The following CHL1 variants were observed in gnomAD, a reference collection of about 807,000 sequenced individuals.
CHL1 encodes neural cell adhesion molecule L1-like protein.
Under a neutral mutation model 141.9 loss-of-function variants are expected in CHL1, and 96 were observed. That is an observed-to-expected ratio of 0.68 (90% CI 0.57 to 0.80). The LOEUF is 0.80. Ranked by LOEUF, CHL1 falls within the 30% of genes least tolerant of loss-of-function variation. The probability of loss-of-function intolerance (pLI) is 0.00; values close to 1 mark genes in which losing one functional copy is unlikely to be tolerated. For missense variants in CHL1, 1,820 were observed against 1,457.2 expected (o/e 1.25, Z -4.05); for synonymous variants, 613 against 502.2 (o/e 1.22, Z -2.95).
chr3:391,820 G>T, intron 23 of CHL1, 23 bp downstream of exon 23: 3 of 1,553,086 alleles, frequency 1.9e-6, no homozygotes, highest in Non-Finnish European at 2.6e-6. Flanking sequence ...TTGAATTGGA[G>T]TTAACTTGTT....
At chr3:238,491 A>C (rs1692213337) in intron 1 of CHL1, among the ~76,000 whole-genome samples, 1 of 152,180 alleles carries the variant, frequency 6.6e-6, no homozygotes, top group Non-Finnish European at 1.5e-5. Context: ...ATTTTTTGTC[A>C]ACATATGTGT....
At chr3:237,760 A>G (rs1259767894) in intron 1 of CHL1, among the ~76,000 whole-genome samples, 1 of 152,230 alleles carries the variant, frequency 6.6e-6, no homozygotes, top group East Asian at 1.9e-4. Flanking sequence ...AAATTATTAA[A>G]TATGACATCT....
intron 18 of CHL1, 165 bp downstream of exon 18, chr3:382,836 C>T (rs1475760813): frequency 1.1e-5 from 7 of 638,076 alleles, no homozygotes; most frequent in South Asian, 4.2e-5. Flanking sequence ...ACACAAGTTT[C>T]AGAAGTGTTA....
At chr3:305,005 G>T (rs1044610948) in intron 2 of CHL1, among the ~76,000 whole-genome samples, 1 of 151,828 alleles carries the variant, frequency 6.6e-6, no homozygotes, top group African/African-American at 2.4e-5. Context: ...ATCTGGTCAC[G>T]GATAAACTTT....
intron 1 of CHL1, among the ~76,000 whole-genome samples, chr3:215,484 A>G (rs930186571): frequency 1.3e-4 from 20 of 152,206 alleles, no homozygotes; most frequent in African/African-American, 4.3e-4. Flanking sequence ...CTGGTGTTCT[A>G]TAGCATAGTT....
At chr3:246,346 C>T (rs1693173295) in intron 2 of CHL1, among the ~76,000 whole-genome samples, 1 of 152,034 alleles carries the variant, frequency 6.6e-6, no homozygotes, top group Admixed American at 6.6e-5. Flanking sequence ...GCATTCTTTC[C>T]TGTATTTTAT....
chr3:223,148 G>C (rs1340448521), intron 1 of CHL1, among the ~76,000 whole-genome samples: 1 of 152,050 alleles, frequency 6.6e-6, no homozygotes, highest in Non-Finnish European at 1.5e-5. Flanking sequence ...GAACATCTTT[G>C]GGGTTATTAT....
chr3:298,557 T>A (rs1698420367), intron 2 of CHL1, among the ~76,000 whole-genome samples: 1 of 152,150 alleles, frequency 6.6e-6, no homozygotes. Flanking sequence ...AGATTTCAGG[T>A]TTGTTTATCA....
At chr3:334,343 T>A (rs1701694976) in intron 5 of CHL1, among the ~76,000 whole-genome samples, 1 of 152,136 alleles carries the variant, frequency 6.6e-6, no homozygotes, top group Non-Finnish European at 1.5e-5. Flanking sequence ...CACCAATGAC[T>A]TTTTTAGTAA....
intron 2 of CHL1, among the ~76,000 whole-genome samples, chr3:317,323 G>C (rs569933169): frequency 1.5e-4 from 23 of 152,054 alleles, no homozygotes; most frequent in African/African-American, 5.1e-4. Flanking sequence ...TAAAATTAGA[G>C]ACCAGTGAAC....
At chr3:278,652 T>C (rs140415733) in intron 2 of CHL1, among the ~76,000 whole-genome samples, 26 of 152,288 alleles carry the variant, frequency 1.7e-4, no homozygotes, top group African/African-American at 6.0e-4. Context: ...TGAGAATAAA[T>C]TGTATTTGGA....
intron 1 of CHL1, among the ~76,000 whole-genome samples, chr3:220,203 G>A (rs923222472): frequency 1.3e-5 from 2 of 152,166 alleles, no homozygotes; most frequent in Non-Finnish European, 2.9e-5. Flanking sequence ...GCTGATTGTG[G>A]TGGTATTAAT....
chr3:337,962 T>C (rs527695792), intron 5 of CHL1, among the ~76,000 whole-genome samples: 49 of 152,318 alleles, frequency 3.2e-4, no homozygotes, highest in Middle Eastern at 6.8e-3. Context: ...TCCACAATGG[T>C]TGAACCAGTT....
chr3:301,737 G>T (rs188207334), intron 2 of CHL1, among the ~76,000 whole-genome samples: 1 of 151,932 alleles, frequency 6.6e-6, no homozygotes, highest in Non-Finnish European at 1.5e-5. Flanking sequence ...GTCTTTTTCC[G>T]GAAAGAAGAC....
intron 1 of CHL1, among the ~76,000 whole-genome samples, chr3:202,028 G>C (rs1292635476): frequency 2.6e-5 from 4 of 152,148 alleles, no homozygotes; most frequent in African/African-American, 9.7e-5. Context: ...TGTTGTGGTG[G>C]TTACATGCAC....
At chr3:223,944 G>C (rs915497448) in intron 1 of CHL1, among the ~76,000 whole-genome samples, 1 of 152,208 alleles carries the variant, frequency 6.6e-6, no homozygotes, top group Non-Finnish European at 1.5e-5. Flanking sequence ...TCCTGGTGGA[G>C]TCAGCTGGCC....
intron 2 of CHL1, among the ~76,000 whole-genome samples, chr3:285,741 T>C (rs1259668977): frequency 2.0e-5 from 3 of 152,208 alleles, no homozygotes; most frequent in Non-Finnish European, 4.4e-5. Context: ...CAATAAATCA[T>C]AACTTTATGA....
chr3:222,512 G>T (rs1383111867), intron 1 of CHL1, among the ~76,000 whole-genome samples: 1 of 152,142 alleles, frequency 6.6e-6, no homozygotes, highest in Admixed American at 6.5e-5. Context: ...GAAGAGCGGG[G>T]GTAGATGGGA....
intron 1 of CHL1, among the ~76,000 whole-genome samples, chr3:236,748 C>G (rs73018690): frequency 0.074 from 10,772 of 145,808 alleles, 583 homozygotes; most frequent in Middle Eastern, 0.11. Flanking sequence ...TCTTTCCACA[C>G]TAAAGATTTC....
Sources: gnomAD v4.1 joint callset for allele counts (sites outside exome capture counted in the v4.1 genomes callset) on GRCh38, gnomAD v4.1.1 for gene constraint, MANE v1.5 for transcripts, NCBI Gene and HGNC (gene_info 2026-07-23, HGNC 2026-07-21) for gene names.